The following ZNF248 variants were observed in gnomAD, a reference collection of about 807,000 sequenced individuals.
ZNF248 encodes the protein KRAB protein domain.
ZNF248 carries 20 observed loss-of-function variants against 44.3 expected under a neutral mutation model. That is an observed-to-expected ratio of 0.45 (90% CI 0.32 to 0.66). ZNF248 has a LOEUF of 0.66. Ranked by LOEUF, ZNF248 falls within the 30% of genes least tolerant of loss-of-function variation. The pLI is 0.04. For synonymous variants in ZNF248, 224 were observed against 229.0 expected (o/e 0.98, Z 0.20); for missense variants, 654 against 677.0 (o/e 0.97, Z 0.38).
At chr10:37,772,428 G>A (rs1051664135), downstream of ZNF248, among the ~76,000 whole-genome samples, 8 of 152,126 alleles carry the variant, frequency 5.3e-5, no homozygotes. Context: ...ACTCCAAGTG[G>A]GCAGTGTGCT....
chr10:37,819,687 G>A (rs773301659), intron 6 of ZNF248: 32 of 788,792 alleles, frequency 4.1e-5, no homozygotes, highest in South Asian at 1.6e-4. Flanking sequence ...TGACCTAACC[G>A]GAGTTTGAAG....
the ZNF248 span, among the ~76,000 whole-genome samples, chr10:37,766,285 G>C: frequency 1.3e-5 from 2 of 152,262 alleles, no homozygotes; most frequent in African/African-American, 4.8e-5. Flanking sequence ...CGCAACTGGA[G>C]ATCTGAGAAC....
downstream of ZNF248, among the ~76,000 whole-genome samples, chr10:37,825,916 G>C (rs910873537): frequency 6.6e-6 from 1 of 151,700 alleles, no homozygotes; most frequent in Non-Finnish European, 1.5e-5. Flanking sequence ...AAAAGGGGGG[G>C]AGAGAGAGAG....
intron 6 of ZNF248, chr10:37,795,420 A>G (rs567968529): frequency 6.6e-6 from 1 of 152,248 alleles, no homozygotes; most frequent in South Asian, 2.1e-4. Flanking sequence ...CAGTTCTCTC[A>G]TATATCCTGA....
intron 3 of ZNF248, 21 bp downstream of exon 3, chr10:37,856,260 TTAAACAAACTGGGAA>T (rs1376376520): frequency 1.2e-6 from 2 of 1,602,794 alleles, no homozygotes; most frequent in Admixed American, 3.4e-5. Flanking sequence ...AAATCCATTT[TTAAACAAACTGGGAA>T]TAAAGAAACA....
downstream of ZNF248, among the ~76,000 whole-genome samples, chr10:37,771,988 C>T (rs558222991): frequency 2.0e-5 from 3 of 152,212 alleles, no homozygotes; most frequent in East Asian, 1.9e-4. Context: ...TAAAGGAGGC[C>T]GGCTGCAGTG....
the ZNF248 span, among the ~76,000 whole-genome samples, chr10:37,765,456 A>T: frequency 1.3e-5 from 2 of 152,238 alleles, no homozygotes; most frequent in African/African-American, 4.8e-5. Flanking sequence ...GGTGGTCCAC[A>T]CTTTGCATGA....
At chr10:37,789,032 C>T (rs960777193) in intron 6 of ZNF248, among the ~76,000 whole-genome samples, 12 of 152,116 alleles carry the variant, frequency 7.9e-5, no homozygotes, top group South Asian at 4.2e-4. Flanking sequence ...CCTCCATCCC[C>T]GGCTAAAGTT....
chr10:37,845,007 C>T (rs12257288), intron 3 of ZNF248, among the ~76,000 whole-genome samples: 1,677 of 143,558 alleles, frequency 0.012, 21 homozygotes, highest in Middle Eastern at 0.051. Context: ...TTCCCTCCTT[C>T]TCTCTCTTTC....
chr10:37,802,457 C>T (rs924361530), intron 6 of ZNF248, among the ~76,000 whole-genome samples: 2 of 152,192 alleles, frequency 1.3e-5, no homozygotes, highest in African/African-American at 2.4e-5. Context: ...AAAGTTTAGA[C>T]ATGCAATTTT....
At chr10:37,813,205 G>T (rs1001214002) in intron 6 of ZNF248, among the ~76,000 whole-genome samples, 1 of 152,144 alleles carries the variant, frequency 6.6e-6, no homozygotes, top group African/African-American at 2.4e-5. Flanking sequence ...AAGAAACAAT[G>T]TCGTAAAACA....
At chr10:37,769,538 T>C in the ZNF248 span, among the ~76,000 whole-genome samples, 36 of 152,268 alleles carry the variant, frequency 2.4e-4, no homozygotes, top group African/African-American at 8.2e-4. Context: ...ATTATCTCAA[T>C]AGATGCAGAA....
chr10:37,770,299 A>G, the ZNF248 span, among the ~76,000 whole-genome samples: 12 of 152,356 alleles, frequency 7.9e-5, no homozygotes, highest in East Asian at 1.3e-3. Context: ...GAACCAAAAA[A>G]GAGCCCGCAT....
chr10:37,760,964 G>C, the ZNF248 span, among the ~76,000 whole-genome samples: 1 of 152,234 alleles, frequency 6.6e-6, no homozygotes, highest in Admixed American at 6.5e-5. Context: ...GCTTAATAAT[G>C]AAACCACAAG....
At chr10:37,776,420 G>A (rs761576438), downstream of ZNF248, 10 of 391,590 alleles carry the variant, frequency 2.6e-5, no homozygotes, top group Non-Finnish European at 4.1e-5. Flanking sequence ...CAAACTGTCA[G>A]GCTCTGCCCT....
intron 3 of ZNF248, among the ~76,000 whole-genome samples, chr10:37,847,320 G>C (rs1178538441): frequency 1.3e-5 from 2 of 152,000 alleles, no homozygotes; most frequent in East Asian, 1.9e-4. Context: ...ATATTTTGTG[G>C]CTATAGTTCC....
intron 6 of ZNF248, among the ~76,000 whole-genome samples, chr10:37,796,823 G>A (rs2049216303): frequency 6.6e-6 from 1 of 151,786 alleles, no homozygotes; most frequent in Non-Finnish European, 1.5e-5. Context: ...TCCCTCAACT[G>A]GCTCCTCCAT....
rs1237115863 is a variant in ZNF248, at chr10:37,830,111, G to C, written c.*1504C>G. 1.0e-6 allele frequency: 1 copy of C among 985,262 alleles called. No homozygotes were observed. Among genetic ancestry groups the C allele is most frequent in the African/African-American group, 1.7e-5 (1 of 57,208 alleles). 61.0% of individuals were successfully genotyped at this position (985,262 alleles called of 1,614,324 possible). A position where few individuals can be genotyped will look rare whatever the true frequency, so the allele number is the denominator to read the frequency against. Reference sequence around the variant, plus strand: ...GTGTTACATAGACCGTGCCCAAACAGATACACAATGAAAAATCAAGGATAT... The same window carrying C: ...GTGTTACATAGACCGTGCCCAAACACATACACAATGAAAAATCAAGGATAT... On this transcript the variant is annotated 3_prime_UTR_variant, in exon 6 of 6. Coordinates refer to ENST00000395867, the MANE Select transcript of ZNF248 (RefSeq NM_021045.3).
At chr10:37,777,601 T>A (rs2046739339) in intron 6 of ZNF248, among the ~76,000 whole-genome samples, 2 of 150,976 alleles carry the variant, frequency 1.3e-5, no homozygotes, top group South Asian at 4.2e-4. Context: ...TAGTTACATA[T>A]GTATACATGT....
Sources: allele counts gnomAD v4.1 joint callset (sites outside exome capture counted in the v4.1 genomes callset), GRCh38; gene constraint gnomAD v4.1.1; transcripts MANE v1.5; gene names NCBI Gene and HGNC (gene_info 2026-07-23, HGNC 2026-07-21).